The following SYNDIG1 variants were observed in gnomAD, a reference collection of about 807,000 sequenced individuals.
SYNDIG1 encodes synapse differentiation-inducing gene protein 1.
In SYNDIG1, 9 loss-of-function variants were observed where a neutral mutation model predicts 19.4. The observed-to-expected ratio is 0.46, with a 90% CI of 0.28 to 0.81. SYNDIG1 has a LOEUF of 0.81. SYNDIG1 is among the 30% of genes least tolerant of loss of function. SYNDIG1 has a pLI of 0.12. For missense variants in SYNDIG1, 311 were observed against 343.3 expected, an observed-to-expected ratio of 0.91 and a Z score of 0.74; for synonymous variants, 141 against 145.9, an observed-to-expected ratio of 0.97 and a Z score of 0.24.
chr20:24,609,261 T>C (rs977537888), intron 3 of SYNDIG1, among the ~76,000 whole-genome samples: 2 of 152,228 alleles, frequency 1.3e-5, no homozygotes, highest in African/African-American at 4.8e-5. Flanking sequence ...ACAGAGAGCA[T>C]AGCAAATGCC....
At chr20:24,629,132 A>C (rs1255345805) in intron 3 of SYNDIG1, among the ~76,000 whole-genome samples, 2 of 152,228 alleles carry the variant, frequency 1.3e-5, no homozygotes, top group African/African-American at 4.8e-5. Context: ...CAGATAGAAC[A>C]TGTGAGCCAG....
At chr20:24,558,455 A>C (rs1404462945) in intron 2 of SYNDIG1, among the ~76,000 whole-genome samples, 3 of 152,216 alleles carry the variant, frequency 2.0e-5, no homozygotes, top group African/African-American at 2.4e-5. Context: ...GACATACCTG[A>C]ATCACATTTT....
intron 1 of SYNDIG1, among the ~76,000 whole-genome samples, chr20:24,509,911 G>A (rs6114747): frequency 0.048 from 7,248 of 152,208 alleles, 584 homozygotes; most frequent in African/African-American, 0.16. Flanking sequence ...CTTCATGAAC[G>A]GTTTAGCGCT....
rs56698917 is a variant in SYNDIG1 at position 24,500,988 on chromosome 20, G to A, written c.-79+31235G>A. Among the ~76,000 whole-genome samples the A allele has an allele frequency of 5.0e-3, 758 of 152,120 alleles. 10 individuals carry two copies. The highest frequency in any genetic ancestry group is 0.018 in the African/African-American group (728 of 41,490). On this transcript the variant is annotated intron_variant, in intron 1 of 3. Coordinates refer to ENST00000376862, the MANE Select transcript of SYNDIG1 (RefSeq NM_024893.3). The stretch of plus-strand genomic sequence containing the variant: ...AGTGGGGTAGCTGTCCAACTCTACC[G>A]TATAAACACTAAAAAACACAAGAAA...
At chr20:24,647,237 C>T (rs1418456198) in intron 3 of SYNDIG1, among the ~76,000 whole-genome samples, 2 of 152,040 alleles carry the variant, frequency 1.3e-5, no homozygotes, top group Non-Finnish European at 2.9e-5. Flanking sequence ...ACCAGGGAAC[C>T]GAGGGAACTA....
intron 1 of SYNDIG1, among the ~76,000 whole-genome samples, chr20:24,471,184 T>A (rs1350955612): frequency 6.6e-6 from 1 of 152,012 alleles, no homozygotes; most frequent in Non-Finnish European, 1.5e-5. Flanking sequence ...AACTTCTCCG[T>A]GCTAGGCTGC....
At chr20:24,525,601 C>T (rs2146578112) in intron 1 of SYNDIG1, among the ~76,000 whole-genome samples, 1 of 152,004 alleles carries the variant, frequency 6.6e-6, no homozygotes, top group African/African-American at 2.4e-5. Context: ...TGGCCTAATA[C>T]TTGATCAATT....
chr20:24,552,373 T>G lies in SYNDIG1; in HGVS notation c.480+8796T>G, dbSNP rs564842122. On this transcript the variant is annotated intron_variant, in intron 2 of 3. Coordinates refer to ENST00000376862, the MANE Select transcript of SYNDIG1 (RefSeq NM_024893.3). Reference sequence around the variant, plus strand: ...GCACAATGTGCAGGTTAGTTACATATGTATACATGTGCCATGCTGGTGTGC... The same window carrying G: ...GCACAATGTGCAGGTTAGTTACATAGGTATACATGTGCCATGCTGGTGTGC... Among the ~76,000 whole-genome samples, 5 of 152,190 alleles carry G rather than the reference T, an allele frequency of 3.3e-5. No individual in the cohort carries two copies. The East Asian group carries it at 9.7e-4, about 29-fold the overall frequency.
At chr20:24,650,459 G>T (rs73905416) in intron 3 of SYNDIG1, among the ~76,000 whole-genome samples, 1 of 152,202 alleles carries the variant, frequency 6.6e-6, no homozygotes, top group Admixed American at 6.5e-5. Flanking sequence ...CAGTCATCAC[G>T]TACGTAGTCA....
intron 1 of SYNDIG1, among the ~76,000 whole-genome samples, chr20:24,542,176 T>G (rs1248052752): frequency 4.6e-5 from 1 of 21,630 alleles, no homozygotes; most frequent in Non-Finnish European, 9.3e-5. Context: ...AAAAATTCAC[T>G]TCAATAAGAA....
chr20:24,479,764 T>A (rs1250548432), intron 1 of SYNDIG1, among the ~76,000 whole-genome samples: 2 of 151,962 alleles, frequency 1.3e-5, no homozygotes, highest in Admixed American at 1.3e-4. Flanking sequence ...GCCAGGAGAG[T>A]GAGCTGTCTC....
intron 2 of SYNDIG1, 53 bp downstream of exon 2, chr20:24,543,630 A>C: frequency 6.4e-7 from 1 of 1,567,094 alleles, no homozygotes; most frequent in Non-Finnish European, 8.6e-7. Flanking sequence ...TGGGGATTCT[A>C]GGGAGGGCAG....
At chr20:24,541,191 T>C (rs2057460934) in intron 1 of SYNDIG1, among the ~76,000 whole-genome samples, 1 of 152,214 alleles carries the variant, frequency 6.6e-6, no homozygotes, top group African/African-American at 2.4e-5. Flanking sequence ...GGGCTGAATC[T>C]CTGGCCTCGT....
intron 1 of SYNDIG1, among the ~76,000 whole-genome samples, chr20:24,476,270 A>G (rs2055623053): frequency 1.3e-5 from 2 of 151,824 alleles, no homozygotes; most frequent in African/African-American, 4.8e-5. Context: ...TTTCCTCACA[A>G]AGACAGGTTT....
intron 3 of SYNDIG1, among the ~76,000 whole-genome samples, chr20:24,611,490 T>C (rs946327848): frequency 1.3e-5 from 2 of 152,114 alleles, no homozygotes; most frequent in Non-Finnish European, 2.9e-5. Context: ...AGGGCTCTAC[T>C]TCCAGCACCC....
intron 2 of SYNDIG1, among the ~76,000 whole-genome samples, chr20:24,547,964 C>T (rs570947378): frequency 1.5e-4 from 23 of 152,322 alleles, no homozygotes; most frequent in East Asian, 9.7e-4. Context: ...AAGTACATGA[C>T]GGTCACCACC....
chr20:24,475,540 G>T (rs56088250), intron 1 of SYNDIG1, among the ~76,000 whole-genome samples: 1 of 152,162 alleles, frequency 6.6e-6, no homozygotes, highest in Non-Finnish European at 1.5e-5. Context: ...GGTAGTGTGC[G>T]TGGTTTCTGA....
intron 2 of SYNDIG1, among the ~76,000 whole-genome samples, chr20:24,566,518 C>T (rs1256846221): frequency 1.3e-5 from 2 of 152,198 alleles, no homozygotes; most frequent in Non-Finnish European, 2.9e-5. Context: ...CGCTGGTGTA[C>T]ACCGTGGTCT....
intron 3 of SYNDIG1, among the ~76,000 whole-genome samples, chr20:24,601,378 A>G (rs2058677927): frequency 1.3e-5 from 2 of 152,198 alleles, no homozygotes; most frequent in South Asian, 4.1e-4. Context: ...TTTAAAACTG[A>G]CCTATTTTTC....
Sources: allele counts gnomAD v4.1 joint callset (sites outside exome capture counted in the v4.1 genomes callset), GRCh38; gene constraint gnomAD v4.1.1; transcripts MANE v1.5; gene names NCBI Gene and HGNC (gene_info 2026-07-23, HGNC 2026-07-21).